Variants in AFF4 observed in about 807,000 individuals in gnomAD.
AFF4 encodes AF4/FMR2 family member 4.
A neutral mutation model predicts 124.8 loss-of-function variants in AFF4; 13 were observed. The observed-to-expected ratio is 0.10, with a 90% CI of 0.07 to 0.17. AFF4 has a LOEUF of 0.17. Among genes scored for constraint, AFF4 ranks in the 10% least tolerant of loss-of-function variants. The pLI is 1.00. For missense variants in AFF4, 1,092 were observed against 1,403.8 expected, an observed-to-expected ratio of 0.78 and a Z score of 3.55; for synonymous variants, 477 against 496.1, an observed-to-expected ratio of 0.96 and a Z score of 0.51.
chr5:132,911,345 T>C (rs964721132), intron 5 of AFF4, among the ~76,000 whole-genome samples: 2 of 152,126 alleles, frequency 1.3e-5, no homozygotes, highest in African/African-American at 2.4e-5. Flanking sequence ...TCAAATCTCA[T>C]GCCAGGAACA....
intron 1 of AFF4, among the ~76,000 whole-genome samples, chr5:132,941,757 C>T (rs1270454199): frequency 6.6e-6 from 1 of 151,988 alleles, no homozygotes; most frequent in Non-Finnish European, 1.5e-5. Flanking sequence ...CCTGCAATCC[C>T]AGCACTTTAG....
intron 1 of AFF4, among the ~76,000 whole-genome samples, chr5:132,950,319 T>C (rs1761812034): frequency 6.7e-6 from 1 of 150,288 alleles, no homozygotes; most frequent in Admixed American, 6.6e-5. Flanking sequence ...CTACTAAAAA[T>C]ACAAAATTAG....
At chr5:132,959,603 G>A (rs1046888841) in intron 1 of AFF4, among the ~76,000 whole-genome samples, 2 of 151,980 alleles carry the variant, frequency 1.3e-5, no homozygotes, top group African/African-American at 2.4e-5. Context: ...TGATACCAGC[G>A]AAAATGAACA....
chr5:132,935,026 G>A (rs180859417), intron 2 of AFF4, 85 bp from the exon 3 acceptor site: 33 of 1,118,902 alleles, frequency 2.9e-5, no homozygotes, highest in African/African-American at 4.8e-5. Context: ...TCCAAACTTC[G>A]AATGGAAAGG....
intron 5 of AFF4, among the ~76,000 whole-genome samples, chr5:132,920,163 C>G (rs180733442): frequency 3.1e-4 from 47 of 152,032 alleles, no homozygotes; most frequent in Middle Eastern, 3.4e-3. Flanking sequence ...GATTCCCCTG[C>G]CTCAGTCTCC....
intron 1 of AFF4, among the ~76,000 whole-genome samples, chr5:132,944,520 G>A (rs886292727): frequency 6.6e-6 from 1 of 152,088 alleles, no homozygotes; most frequent in Non-Finnish European, 1.5e-5. Context: ...GGTGGCATGC[G>A]TCTGTGGTCC....
In AFF4 at chr5:132,883,351, T is replaced by C. The variant is rs1413801635; in HGVS notation, c.3353A>G (p.Lys1118Arg). 6.2e-7 allele frequency: 1 copy of C among 1,614,008 alleles called. No homozygotes were observed. The highest frequency in any genetic ancestry group is 1.7e-5 in the Admixed American group (1 of 60,026). Reference sequence around the variant, plus strand: ...AGAAACCTACCTACCTTTTTGCTCTTTGGAAAGCTGTTCAGCTTGGTCCCA... The same window carrying C: ...AGAAACCTACCTACCTTTTTGCTCTCTGGAAAGCTGTTCAGCTTGGTCCCA... ...EIWDQAEQLSKEQKEFFAELD... is the reference protein window; with the variant it reads ...EIWDQAEQLSREQKEFFAELD... Residue 1118 changes from lysine (K) to arginine (R), a missense_variant, in exon 20 of 21, where the codon AAA (lysine) becomes AGA (arginine). Around this residue, in one of 11 missense-constraint regions of AFF4, gnomAD observed 173 missense variants for 294.9 expected, o/e 0.59. Coordinates refer to ENST00000265343, the MANE Select transcript of AFF4 (RefSeq NM_014423.4).
At chr5:132,898,206 G>A in intron 10 of AFF4, 24 bp downstream of exon 10, 1 of 1,613,098 alleles carries the variant, frequency 6.2e-7, no homozygotes, top group South Asian at 1.1e-5. Context: ...GCCTGTGGAA[G>A]GTACCCCACC....
intron 5 of AFF4, among the ~76,000 whole-genome samples, chr5:132,910,818 C>T (rs894533308): frequency 1.3e-5 from 2 of 152,144 alleles, no homozygotes; most frequent in Non-Finnish European, 2.9e-5. Flanking sequence ...CTTTAAATAC[C>T]CATCTTAGAG....
chr5:132,898,871 T>C (rs180947647), intron 9 of AFF4, among the ~76,000 whole-genome samples: 1 of 152,380 alleles, frequency 6.6e-6, no homozygotes, highest in East Asian at 1.9e-4. Context: ...GAGTAATTCT[T>C]TTTAAAGTTT....
chr5:132,901,327 TAAG>T (rs1760546813), intron 7 of AFF4, among the ~76,000 whole-genome samples: 1 of 152,210 alleles, frequency 6.6e-6, no homozygotes, highest in Non-Finnish European at 1.5e-5. Flanking sequence ...TACATATAAA[TAAG>T]TATGATGAAT....
At chr5:132,913,348 T>C (rs1029730944) in intron 5 of AFF4, among the ~76,000 whole-genome samples, 9 of 152,174 alleles carry the variant, frequency 5.9e-5, no homozygotes, top group African/African-American at 1.9e-4. Context: ...CTCTCAATAA[T>C]AGATAATTGA....
chr5:132,879,668 A>G lies in AFF4; in HGVS notation c.*1391T>C. On this transcript the variant is annotated 3_prime_UTR_variant, in exon 21 of 21. Coordinates refer to ENST00000265343, the MANE Select transcript of AFF4 (RefSeq NM_014423.4). ...CACCAAACATGATAGGGGCATGAAA[A>G]ATAAAGTATAGAGGGTACATTTCTT... 1 of 209,822 alleles carries G rather than the reference A, an allele frequency of 4.8e-6. No homozygotes were observed. The highest frequency in any genetic ancestry group is 9.7e-6 in the Non-Finnish European group (1 of 103,058). The allele number at this position is 209,822 out of a possible 1,614,324, so 13.0% of individuals were successfully genotyped here.
intron 1 of AFF4, among the ~76,000 whole-genome samples, chr5:132,953,597 T>A (rs1473604920): frequency 6.6e-6 from 1 of 152,182 alleles, no homozygotes; most frequent in Non-Finnish European, 1.5e-5. Context: ...ATTAATTTTC[T>A]GATCTGCTTT....
intron 5 of AFF4, among the ~76,000 whole-genome samples, chr5:132,921,114 G>A (rs1467106881): frequency 2.1e-5 from 3 of 143,956 alleles, no homozygotes; most frequent in East Asian, 2.1e-4. Flanking sequence ...GCGACAGAGC[G>A]AGACTCTGTC....
At chr5:132,957,321 C>T (rs1761986711) in intron 1 of AFF4, among the ~76,000 whole-genome samples, 1 of 151,784 alleles carries the variant, frequency 6.6e-6, no homozygotes, top group Non-Finnish European at 1.5e-5. Context: ...GCCTGGGTAA[C>T]CGAGTGCAGT....
intron 7 of AFF4, 34 bp from the exon 8 acceptor site, chr5:132,899,675 G>C: frequency 6.3e-7 from 1 of 1,578,800 alleles, no homozygotes; most frequent in Admixed American, 1.7e-5. Context: ...ATTATTTTTG[G>C]AACAGTTTAC....
chr5:132,887,707 A>C, intron 16 of AFF4, 115 bp from the exon 17 acceptor site: 1 of 1,492,072 alleles, frequency 6.7e-7, no homozygotes, highest in Non-Finnish European at 9.2e-7. Context: ...AAAAATACTC[A>C]TTGAAGTATC....
chr5:132,958,602 C>A (rs1029809316), intron 1 of AFF4, among the ~76,000 whole-genome samples: 7 of 150,740 alleles, frequency 4.6e-5, no homozygotes, highest in Non-Finnish European at 1.5e-5. Flanking sequence ...CCTTTAAAAA[C>A]GGTGAAATTT....
Sources: gnomAD v4.1 joint callset for allele counts (sites outside exome capture counted in the v4.1 genomes callset) on GRCh38, gnomAD v4.1.1 for gene constraint, gnomAD v4.1.1 regional missense constraint, MANE v1.5 for transcripts, NCBI Gene and HGNC (gene_info 2026-07-23, HGNC 2026-07-21) for gene names.